The following DUS2 variants were observed in gnomAD, a reference collection of about 807,000 sequenced individuals.
DUS2 encodes the protein dihydrouridine synthase 2.
DUS2 carries 52 observed loss-of-function variants against 71.3 expected under a neutral mutation model. The observed-to-expected ratio is 0.73, with a 90% confidence interval of 0.58 to 0.92. DUS2 has a LOEUF of 0.92. Among genes scored for constraint, DUS2 ranks in the 40% least tolerant of loss-of-function variants. DUS2 has a pLI of 0.00. For missense variants in DUS2, 558 were observed against 622.6 expected (o/e 0.90, Z 1.10); for synonymous variants, 204 against 227.8 (o/e 0.90, Z 0.94).
chr16:68,039,918 C>CCTG lies in DUS2; in HGVS notation c.126+1769_126+1770insCTG, dbSNP rs1398327351. Among the ~76,000 whole-genome samples the CCTG allele has an allele frequency of 2.6e-5, 4 of 151,994 alleles. No homozygotes were observed. The East Asian group carries it at 7.7e-4, about 29-fold the overall frequency. On this transcript the variant is annotated intron_variant, in intron 3 of 16. Transcript: ENST00000565263. ...CCCCTTCAGTTAAGGGAGGTACAGG[C>CCTG]AGGTAGCCTGAGGTGGAGGAAGCAG...
In DUS2 at chr16:68,066,616, T is replaced by G. The variant is rs2285911; in HGVS notation, c.534T>G (p.Ala178=). The G allele has an allele frequency of 9.6e-4, 1,548 of 1,614,170 alleles. 10 individuals are homozygous for G. The East Asian group carries it at 0.02, about 21-fold the overall frequency. Residue 178 remains alanine (A), a synonymous_variant, in exon 10 of 17, where the codon GCT becomes GCG. Coordinates refer to ENST00000565263, the MANE Select transcript of DUS2 (RefSeq NM_017803.5). ...AGCGGATAGAGAGGACTGGCATTGC[T>G]GCCATCGCAGTTCATGGGAGGTGAG... ...LVKRIERTGI[A]AIAVHGRKRE...
chr16:68,032,338 A>T (rs1189085927), intron 2 of DUS2, among the ~76,000 whole-genome samples: 1 of 152,096 alleles, frequency 6.6e-6, no homozygotes, highest in Non-Finnish European at 1.5e-5. Flanking sequence ...CAGTGCTAGA[A>T]ATCTGGCAGT....
At chr16:68,067,267 C>T (rs1374083410) in intron 10 of DUS2, among the ~76,000 whole-genome samples, 1 of 17,038 alleles carries the variant, frequency 5.9e-5, no homozygotes, top group Middle Eastern at 0.013. Context: ...TCCTCCCCTC[C>T]CCCCTCCCCT....
At chr16:68,054,733 C>A in intron 6 of DUS2, 116 bp downstream of exon 6, 2 of 1,276,564 alleles carry the variant, frequency 1.6e-6, no homozygotes, top group South Asian at 2.4e-5. Flanking sequence ...CCATTACCTT[C>A]TGTTTCCAGG....
intron 13 of DUS2, among the ~76,000 whole-genome samples, chr16:68,074,445 A>G (rs2034130059): frequency 6.6e-6 from 1 of 152,200 alleles, no homozygotes; most frequent in Non-Finnish European, 1.5e-5. Flanking sequence ...CCAGGCCCCC[A>G]GGAACCAGTG....
At chr16:68,073,638 G>T (rs1174639997) in intron 12 of DUS2, among the ~76,000 whole-genome samples, 1 of 151,998 alleles carries the variant, frequency 6.6e-6, no homozygotes, top group African/African-American at 2.4e-5. Flanking sequence ...TAGTAGAGAC[G>T]GGGCTTCACC....
chr16:68,038,888 T>TC (rs1468075331), intron 3 of DUS2, among the ~76,000 whole-genome samples: 3 of 148,788 alleles, frequency 2.0e-5, no homozygotes, highest in Non-Finnish European at 4.5e-5. Context: ...ATCTCTTTTT[T>TC]TAAAAAAATT....
Position 68,023,329 on chromosome 16 carries a change from CTT to C in DUS2, c.-117_-116del. On this transcript the variant is annotated 5_prime_UTR_variant, in exon 1 of 17. Coordinates refer to ENST00000565263, the MANE Select transcript of DUS2 (RefSeq NM_017803.5). The stretch of plus-strand genomic sequence containing the variant: ...AGCACCGTGAGGAAGAAGCGAGGTT[CTT>C]TTTAAGAGTTCAGCTGCGAGGTCTG... 8.4e-7 allele frequency: 1 copy of C among 1,188,656 alleles called. No homozygotes were observed. The highest frequency in any genetic ancestry group is 1.2e-6 in the Non-Finnish European group (1 of 861,026). 73.6% of individuals were successfully genotyped at this position (1,188,656 alleles called of 1,614,324 possible). A position where few individuals can be genotyped will look rare whatever the true frequency, so the allele number is the denominator to read the frequency against.
chr16:68,054,262 G>A (rs1367419725), intron 5 of DUS2, among the ~76,000 whole-genome samples: 1 of 152,182 alleles, frequency 6.6e-6, no homozygotes. Flanking sequence ...ATGTGATAAA[G>A]CAAATCTAGC....
In DUS2 at chr16:68,070,943, A is replaced by AG; in HGVS notation, c.647dup (p.Ser217IlefsTer3). ...TAACCCTCTGGTTGCTTTTTAGCGG[A>AG]GGATCTCATGACCACATCCAACAGT... is the stretch of plus-strand genomic sequence containing the variant. On this transcript the variant is annotated frameshift_variant, in exon 12 of 17. Transcript: ENST00000565263. LOFTEE classifies it high-confidence loss of function. 1.2e-6 allele frequency: 2 copies of AG among 1,614,038 alleles called. No individual in the cohort carries two copies. Among genetic ancestry groups the AG allele is most frequent in the Non-Finnish European group, 1.7e-6 (2 of 1,179,902 alleles).
At chr16:68,061,462 G>T (rs957899860) in intron 8 of DUS2, among the ~76,000 whole-genome samples, 4 of 152,182 alleles carry the variant, frequency 2.6e-5, no homozygotes, top group Non-Finnish European at 4.4e-5. Flanking sequence ...GTGAGGACGG[G>T]CTCAGTGGCC....
chr16:68,062,614 G>A (rs2033955129), intron 8 of DUS2, among the ~76,000 whole-genome samples: 1 of 150,918 alleles, frequency 6.6e-6, no homozygotes, highest in Admixed American at 6.6e-5. Context: ...AGCTACTCAG[G>A]AGGCTGAGGC....
At chr16:68,023,736 T>A (rs1259252008) in intron 1 of DUS2, 1 of 167,574 alleles carries the variant, frequency 6.0e-6, no homozygotes, top group African/African-American at 2.4e-5. Context: ...GAGCCCAGAG[T>A]GCAAGCTGAT....
chr16:68,069,987 C>T (rs1243321401), intron 10 of DUS2, 147 bp from the exon 11 acceptor site: 4 of 675,396 alleles, frequency 5.9e-6, no homozygotes, highest in African/African-American at 5.3e-5. Context: ...GAGCCATTTC[C>T]TGCCACCTGT....
At chr16:68,075,189 A>G (rs1192627273) in intron 13 of DUS2, among the ~76,000 whole-genome samples, 166 bp from the exon 14 acceptor site, 1 of 152,180 alleles carries the variant, frequency 6.6e-6, no homozygotes, top group Non-Finnish European at 1.5e-5. Context: ...TCCAGTCCAC[A>G]GTAATCCCAG....
intron 2 of DUS2, among the ~76,000 whole-genome samples, chr16:68,029,678 C>T (rs1489955195): frequency 6.6e-6 from 1 of 152,094 alleles, no homozygotes; most frequent in Non-Finnish European, 1.5e-5. Flanking sequence ...AACTACTGAG[C>T]TCAGGTAATC....
chr16:68,052,163 C>T (rs1598308433), intron 4 of DUS2, among the ~76,000 whole-genome samples: 1 of 152,028 alleles, frequency 6.6e-6, no homozygotes. Context: ...GCCTCGGCCT[C>T]CCAAAGTGCT....
chr16:68,065,775 A>G (rs2033997021), intron 8 of DUS2, among the ~76,000 whole-genome samples: 1 of 151,172 alleles, frequency 6.6e-6, no homozygotes, highest in East Asian at 1.9e-4. Context: ...CACCACACCC[A>G]GTTAGCTATG....
chr16:68,031,499 C>T (rs2033438350), intron 2 of DUS2, among the ~76,000 whole-genome samples: 1 of 152,136 alleles, frequency 6.6e-6, no homozygotes, highest in South Asian at 2.1e-4. Context: ...ATAAATCTCT[C>T]CCTTTCTGCC....
Sources: gnomAD v4.1 joint callset for allele counts (sites outside exome capture counted in the v4.1 genomes callset) on GRCh38, gnomAD v4.1.1 for gene constraint, MANE v1.5 for transcripts, NCBI Gene and HGNC (gene_info 2026-07-23, HGNC 2026-07-21) for gene names.